AGBL4: variants seen among roughly 807,000 people sequenced by gnomAD.
AGBL4 encodes the protein cytosolic carboxypeptidase 6.
Under a neutral mutation model 66.4 loss-of-function variants are expected in AGBL4, and 58 were observed. The ratio of observed to expected loss-of-function variants is 0.87; its 90% confidence interval spans 0.71 to 1.09. The LOEUF (loss-of-function observed/expected upper bound fraction) is 1.09. Ranked by LOEUF, AGBL4 falls within the 50% of genes least tolerant of loss-of-function variation. The pLI is 0.00. For synonymous variants in AGBL4, 234 were observed against 222.9 expected (o/e 1.05, Z -0.44); for missense variants, 579 against 631.0 (o/e 0.92, Z 0.88).
chr1:48,999,983 C>T (rs1178927952), intron 5 of AGBL4, among the ~76,000 whole-genome samples: 1 of 152,120 alleles, frequency 6.6e-6, no homozygotes. Context: ...GTCAAGAACA[C>T]TTCTCTTCTT....
At chr1:49,424,806 A>C (rs2148647954) in intron 3 of AGBL4, among the ~76,000 whole-genome samples, 1 of 152,298 alleles carries the variant, frequency 6.6e-6, no homozygotes, top group South Asian at 2.1e-4. Context: ...GGGGACTCGC[A>C]GCACTGTTTT....
chr1:49,629,033 A>G (rs1645518340), intron 3 of AGBL4, among the ~76,000 whole-genome samples: 1 of 152,190 alleles, frequency 6.6e-6, no homozygotes, highest in African/African-American at 2.4e-5. Flanking sequence ...ATAAAATGGC[A>G]ATATGGTAGA....
chr1:48,629,328 T>C (rs1645556455), intron 9 of AGBL4, among the ~76,000 whole-genome samples: 1 of 152,186 alleles, frequency 6.6e-6, no homozygotes, highest in Non-Finnish European at 1.5e-5. Context: ...GTGTGTGTAC[T>C]AGGAGAAAGC....
intron 1 of AGBL4, among the ~76,000 whole-genome samples, chr1:49,857,801 T>C (rs115289889): frequency 4.6e-4 from 70 of 152,152 alleles, no homozygotes; most frequent in Non-Finnish European, 9.1e-4. Flanking sequence ...TAGATTGGTC[T>C]AGGCAAAGAT....
At chr1:49,535,288 C>T (rs1651481150) in intron 3 of AGBL4, among the ~76,000 whole-genome samples, 1 of 149,842 alleles carries the variant, frequency 6.7e-6, no homozygotes, top group South Asian at 2.1e-4. Context: ...AAATATATTA[C>T]AAACCTATCT....
chr1:48,590,274 C>T lies in AGBL4; in HGVS notation c.1104+559G>A, dbSNP rs540503263. Among the ~76,000 whole-genome samples the T allele has an allele frequency of 1.5e-4, 23 of 151,984 alleles. No homozygotes were observed. In the East Asian group the frequency reaches 3.7e-3, roughly 24 times the overall value. Reference sequence around the variant, plus strand: ...GCAAAAAATTAGGCGGGTGTGGTGGCGCATGCCTGTAATCCCAGCTACTCG... The same window carrying T: ...GCAAAAAATTAGGCGGGTGTGGTGGTGCATGCCTGTAATCCCAGCTACTCG... On this transcript the variant is annotated intron_variant, in intron 10 of 13. Coordinates refer to ENST00000371839, the MANE Select transcript of AGBL4 (RefSeq NM_032785.4).
intron 3 of AGBL4, among the ~76,000 whole-genome samples, chr1:49,613,379 G>T (rs531680891): frequency 1.8e-4 from 27 of 152,236 alleles, no homozygotes; most frequent in Admixed American, 7.2e-4. Flanking sequence ...CTAAACCAGG[G>T]TTTCTCAACC....
intron 9 of AGBL4, among the ~76,000 whole-genome samples, chr1:48,623,177 A>T (rs939607762): frequency 1.2e-4 from 18 of 152,268 alleles, no homozygotes; most frequent in Admixed American, 6.5e-5. Context: ...GCCTGCACTC[A>T]GGAAATCTTT....
At chr1:49,841,984 G>C (rs1646005771) in intron 2 of AGBL4, 2 of 483,274 alleles carry the variant, frequency 4.1e-6, no homozygotes, top group Admixed American at 3.0e-5. Flanking sequence ...CTTGCACACA[G>C]TCTCCTCCTC....
At chr1:48,815,662 G>T (rs1165741648) in intron 6 of AGBL4, among the ~76,000 whole-genome samples, 1 of 152,108 alleles carries the variant, frequency 6.6e-6, no homozygotes, top group Non-Finnish European at 1.5e-5. Flanking sequence ...TATCTATAGA[G>T]CACCTGGCAC....
At position 48,586,985 on chromosome 1, in the gene AGBL4, G is replaced by A. The variant is rs1234429992; in HGVS notation, c.1267+19C>T. The A allele has an allele frequency of 1.9e-6, 3 of 1,609,708 alleles. No homozygotes were observed. The Admixed American group carries it at 5.0e-5, about 27-fold the overall frequency. Reference sequence around the variant, plus strand: ...GCTGGATGAGGGCTGGCCCAAGGCTGGGTGGGGACTAAGGATACAGGCTTC... The same window carrying A: ...GCTGGATGAGGGCTGGCCCAAGGCTAGGTGGGGACTAAGGATACAGGCTTC... On this transcript the variant is annotated intron_variant, in intron 11 of 13. Transcript: ENST00000371839.
chr1:49,552,707 C>A (rs1653066447), intron 3 of AGBL4, among the ~76,000 whole-genome samples: 1 of 152,150 alleles, frequency 6.6e-6, no homozygotes, highest in South Asian at 2.1e-4. Flanking sequence ...GCCTGTGAAT[C>A]CTCTTGGGAT....
intron 5 of AGBL4, among the ~76,000 whole-genome samples, chr1:49,023,711 T>C (rs1663420802): frequency 6.6e-6 from 1 of 152,180 alleles, no homozygotes; most frequent in African/African-American, 2.4e-5. Context: ...AGGTAACTTA[T>C]CCATCGCCAT....
chr1:49,543,202 CT>C (rs1652202332), intron 3 of AGBL4, among the ~76,000 whole-genome samples: 1 of 152,112 alleles, frequency 6.6e-6, no homozygotes, highest in African/African-American at 2.4e-5. Flanking sequence ...CAACTCTGAT[CT>C]ATTCTCCTCA....
chr1:48,848,541 A>C (rs1288041718), intron 6 of AGBL4, among the ~76,000 whole-genome samples: 1 of 152,232 alleles, frequency 6.6e-6, no homozygotes, highest in Non-Finnish European at 1.5e-5. Flanking sequence ...AACAGAACAA[A>C]AGTTAATTTA....
intron 2 of AGBL4, among the ~76,000 whole-genome samples, chr1:49,839,032 C>T (rs1418112162): frequency 2.0e-5 from 3 of 152,160 alleles, no homozygotes; most frequent in Non-Finnish European, 4.4e-5. Flanking sequence ...CATATTTCTT[C>T]AATTGTGCTT....
chr1:48,530,342 T>A (rs1190054531), downstream of AGBL4, among the ~76,000 whole-genome samples: 1 of 152,196 alleles, frequency 6.6e-6, no homozygotes, highest in Non-Finnish European at 1.5e-5. Flanking sequence ...ACAGTATATG[T>A]TCAGTAAACA....
intron 4 of AGBL4, among the ~76,000 whole-genome samples, chr1:49,075,538 A>G (rs1262766500): frequency 1.3e-5 from 2 of 152,288 alleles, no homozygotes; most frequent in African/African-American, 4.8e-5. Context: ...GAGTATATAC[A>G]TTAAATGTTT....
At chr1:48,784,763 T>C (rs892731280) in intron 6 of AGBL4, among the ~76,000 whole-genome samples, 4 of 152,320 alleles carry the variant, frequency 2.6e-5, no homozygotes, top group East Asian at 1.9e-4. Context: ...GGGTCACAAA[T>C]GGAAATCATT....
Sources: gnomAD v4.1 joint callset for allele counts (sites outside exome capture counted in the v4.1 genomes callset) on GRCh38, gnomAD v4.1.1 for gene constraint, MANE v1.5 for transcripts, NCBI Gene and HGNC (gene_info 2026-07-23, HGNC 2026-07-21) for gene names.